The following MACROD2 variants were observed in gnomAD, a reference collection of about 807,000 sequenced individuals.
The protein encoded by MACROD2 is mono-ADP ribosylhydrolase 2.
A neutral mutation model predicts 70.4 loss-of-function variants in MACROD2; 36 were observed. The ratio of observed to expected loss-of-function variants is 0.51; its 90% CI spans 0.39 to 0.68. MACROD2 has a LOEUF of 0.68. Ranked by LOEUF, MACROD2 falls within the 30% of genes least tolerant of loss-of-function variation. The pLI is 0.00. For missense variants in MACROD2, 496 were observed against 538.4 expected (o/e 0.92, Z 0.78); for synonymous variants, 172 against 178.8 (o/e 0.96, Z 0.30).
intron 5 of MACROD2, among the ~76,000 whole-genome samples, chr20:15,156,545 AGTGCTTT>A (rs2076308165): frequency 2.6e-5 from 4 of 152,134 alleles, no homozygotes; most frequent in Admixed American, 2.0e-4. Context: ...TAAAACCTGT[AGTGCTTT>A]GCACCTTCAA....
At chr20:15,174,712 G>GGT (rs1243245713) in intron 5 of MACROD2, among the ~76,000 whole-genome samples, 1 of 152,180 alleles carries the variant, frequency 6.6e-6, no homozygotes, top group Non-Finnish European at 1.5e-5. Flanking sequence ...GGTGTGAGAT[G>GGT]GTATCTCACT....
intron 8 of MACROD2, among the ~76,000 whole-genome samples, chr20:15,818,142 G>A (rs1298482811): frequency 6.6e-6 from 1 of 152,122 alleles, no homozygotes; most frequent in African/African-American, 2.4e-5. Flanking sequence ...CCAAGAGAGG[G>A]TTCTTGGACC....
chr20:15,891,106 T>A lies in MACROD2; in HGVS notation c.775+5295T>A, dbSNP rs78108414. The stretch of plus-strand genomic sequence containing the variant: ...AGTGATGTGTTTGAGAGAGATTTCC[T>A]TTCTGGTGAGCCTTTAGATTAGGCA... On this transcript the variant is annotated intron_variant, in intron 10 of 17. Coordinates refer to ENST00000684519, the MANE Select transcript of MACROD2 (RefSeq NM_001351661.2). 7.6e-3 allele frequency among the ~76,000 whole-genome samples: 1,150 copies of A among 152,294 alleles called. 5 individuals carry two copies. The highest frequency in any genetic ancestry group is 0.012 in the Non-Finnish European group (817 of 68,024).
At chr20:14,382,528 C>T (rs1463358088) in intron 3 of MACROD2, among the ~76,000 whole-genome samples, 2 of 151,598 alleles carry the variant, frequency 1.3e-5, no homozygotes, top group South Asian at 4.2e-4. Context: ...ATTAGCGGGG[C>T]GTGGTGGTTC....
chr20:15,812,870 A>G lies in MACROD2; in HGVS notation c.646-49875A>G, dbSNP rs140687890. Among the ~76,000 whole-genome samples, 903 of 152,288 alleles carry G rather than the reference A, an allele frequency of 5.9e-3. 10 individuals are homozygous for G. The highest frequency in any genetic ancestry group is 0.02 in the African/African-American group (848 of 41,546). On this transcript the variant is annotated intron_variant, in intron 8 of 17. Coordinates refer to ENST00000684519, the MANE Select transcript of MACROD2 (RefSeq NM_001351661.2). ...CATTTTTTACAACAGACTGAAACAAACAGGCCTAGATCTGGTTCTGATTAT... is the reference window on the plus strand; with the variant it reads ...CATTTTTTACAACAGACTGAAACAAGCAGGCCTAGATCTGGTTCTGATTAT...
intron 3 of MACROD2, among the ~76,000 whole-genome samples, chr20:14,097,152 A>G (rs1335986404): frequency 6.6e-6 from 1 of 152,220 alleles, no homozygotes; most frequent in African/African-American, 2.4e-5. Flanking sequence ...CAGGCCTGCC[A>G]TCTTAATGTA....
intron 5 of MACROD2, among the ~76,000 whole-genome samples, chr20:15,133,941 G>A (rs1367474744): frequency 1.0e-4 from 13 of 127,406 alleles, no homozygotes; most frequent in Admixed American, 6.5e-4. Flanking sequence ...ACAGAGTCTC[G>A]CTGTCGCAGA....
rs1459679844 is a variant in MACROD2 at position 15,636,089 on chromosome 20, A to AAAAAAAAAAAAAAAAAAAAG, written c.645+136245_645+136246insAAAAAAAAAAAAAAAAGAAA. 5.9e-5 allele frequency among the ~76,000 whole-genome samples: 8 copies of AAAAAAAAAAAAAAAAAAAAG among 134,976 alleles called. No homozygotes were observed. The East Asian group carries it at 7.3e-4, about 12-fold the overall frequency. 88.5% of individuals were successfully genotyped at this position (134,976 alleles called of 152,430 possible). On this transcript the variant is annotated intron_variant, in intron 8 of 17. Transcript: ENST00000684519. ...TCCCTCTCAAAAGAAAAAAAAAAAA[A>AAAAAAAAAAAAAAAAAAAAG]AAAGAAAGAAAAGAAAAGAAAAAAG...
At chr20:15,952,364 T>C (rs2065918539) in intron 12 of MACROD2, among the ~76,000 whole-genome samples, 1 of 151,892 alleles carries the variant, frequency 6.6e-6, no homozygotes, top group African/African-American at 2.4e-5. Flanking sequence ...TGAATCTTCC[T>C]TCATGGTTTC....
intron 7 of MACROD2, among the ~76,000 whole-genome samples, chr20:15,462,847 A>T (rs1881421755): frequency 6.6e-6 from 1 of 152,208 alleles, no homozygotes; most frequent in Admixed American, 6.5e-5. Context: ...ACATTAATAG[A>T]CCATGCTGAT....
intron 9 of MACROD2, among the ~76,000 whole-genome samples, chr20:15,884,708 A>C (rs2064800563): frequency 6.6e-6 from 1 of 152,034 alleles, no homozygotes; most frequent in African/African-American, 2.4e-5. Context: ...ACATAGAAAC[A>C]GGAGAAGATT....
intron 10 of MACROD2, among the ~76,000 whole-genome samples, chr20:15,918,783 A>T (rs117190077): frequency 6.6e-6 from 1 of 152,172 alleles, no homozygotes; most frequent in Admixed American, 6.5e-5. Flanking sequence ...TCCCTCCACC[A>T]TCGGACTGTT....
intron 6 of MACROD2, among the ~76,000 whole-genome samples, chr20:15,296,532 G>A (rs905166407): frequency 6.6e-6 from 1 of 151,888 alleles, no homozygotes; most frequent in African/African-American, 2.4e-5. Flanking sequence ...AACAGAGAGA[G>A]GGAAGTGAGT....
chr20:15,046,059 A>G (rs1219609128), intron 5 of MACROD2, among the ~76,000 whole-genome samples: 1 of 152,058 alleles, frequency 6.6e-6, no homozygotes, highest in Non-Finnish European at 1.5e-5. Context: ...TCAAGGCTTC[A>G]GTTAATTACT....
intron 5 of MACROD2, chr20:14,905,412 A>G (rs1274501153): frequency 6.6e-6 from 1 of 152,132 alleles, no homozygotes; most frequent in Non-Finnish European, 1.5e-5. Flanking sequence ...TTGATGTCAT[A>G]CTAAAGAGTT....
chr20:14,481,959 G>A (rs760523789), intron 3 of MACROD2, among the ~76,000 whole-genome samples: 7 of 152,078 alleles, frequency 4.6e-5, no homozygotes, highest in Non-Finnish European at 7.4e-5. Flanking sequence ...GTTATTTTGG[G>A]CATATTTTCT....
intron 6 of MACROD2, among the ~76,000 whole-genome samples, chr20:15,348,584 T>C (rs2078192176): frequency 6.6e-6 from 1 of 152,200 alleles, no homozygotes; most frequent in South Asian, 2.1e-4. Flanking sequence ...GAAAGAGGTT[T>C]AATTGACTCA....
chr20:15,068,167 A>T (rs561590739), intron 5 of MACROD2, among the ~76,000 whole-genome samples: 2 of 152,176 alleles, frequency 1.3e-5, no homozygotes, highest in Non-Finnish European at 2.9e-5. Context: ...TCTTCTGATA[A>T]TATCATGCAT....
intron 4 of MACROD2, among the ~76,000 whole-genome samples, chr20:14,561,151 A>T (rs1040784858): frequency 1.3e-5 from 2 of 151,884 alleles, no homozygotes; most frequent in East Asian, 3.9e-4. Flanking sequence ...GTAATACTGC[A>T]TGTGTACCAA....
Sources: allele counts gnomAD v4.1 joint callset (sites outside exome capture counted in the v4.1 genomes callset), GRCh38; gene constraint gnomAD v4.1.1; transcripts MANE v1.5; gene names NCBI Gene and HGNC (gene_info 2026-07-23, HGNC 2026-07-21).